SLC35F1: variants seen among roughly 807,000 people sequenced by gnomAD.
SLC35F1 encodes chromosome 6 open reading frame 169.
SLC35F1 carries 14 observed loss-of-function variants against 48.7 expected under a neutral mutation model. The observed-to-expected ratio is 0.29, with a 90% CI of 0.19 to 0.45. The LOEUF (loss-of-function observed/expected upper bound fraction) is 0.45. SLC35F1 is among the 20% of genes least tolerant of loss of function. The pLI is 1.00. For missense variants in SLC35F1, 404 were observed against 500.0 expected (o/e 0.81, Z 1.83); for synonymous variants, 190 against 202.2 (o/e 0.94, Z 0.51).
intron 1 of SLC35F1, among the ~76,000 whole-genome samples, chr6:117,965,375 A>G (rs951247321): frequency 9.2e-5 from 14 of 152,200 alleles, no homozygotes; most frequent in Non-Finnish European, 2.1e-4. Context: ...GCTACTGGCA[A>G]GCCTTTTTTC....
intron 1 of SLC35F1, among the ~76,000 whole-genome samples, chr6:118,110,825 T>C (rs1773388432): frequency 6.6e-6 from 1 of 152,092 alleles, no homozygotes; most frequent in Admixed American, 6.6e-5. Context: ...AGTCCTATGA[T>C]TAGGTCTCAG....
intron 2 of SLC35F1, among the ~76,000 whole-genome samples, chr6:118,185,016 C>A (rs528243056): frequency 1.3e-5 from 2 of 152,162 alleles, no homozygotes; most frequent in Admixed American, 6.5e-5. Flanking sequence ...TCTTGTCCAG[C>A]AGCTCTTGGC....
intron 3 of SLC35F1, among the ~76,000 whole-genome samples, chr6:118,262,222 G>A (rs868587620): frequency 2.0e-5 from 3 of 152,018 alleles, no homozygotes; most frequent in East Asian, 1.9e-4. Flanking sequence ...AGGGGTCTGC[G>A]GAGTGCTGGC....
At chr6:117,921,736 C>G (rs1035427787) in intron 1 of SLC35F1, among the ~76,000 whole-genome samples, 2 of 152,196 alleles carry the variant, frequency 1.3e-5, no homozygotes, top group Admixed American at 6.5e-5. Flanking sequence ...CTAATTATTA[C>G]TTCCCTGGCC....
chr6:118,023,931 C>T (rs1777431137), intron 1 of SLC35F1, among the ~76,000 whole-genome samples: 1 of 152,104 alleles, frequency 6.6e-6, no homozygotes, highest in Non-Finnish European at 1.5e-5. Flanking sequence ...GTCTGCTGGG[C>T]CCCAGTGAGT....
At chr6:118,124,540 A>G (rs969495687) in intron 1 of SLC35F1, among the ~76,000 whole-genome samples, 1 of 152,158 alleles carries the variant, frequency 6.6e-6, no homozygotes, top group Non-Finnish European at 1.5e-5. Context: ...AGAAACAAGA[A>G]GAGGACCCAA....
At chr6:118,298,911 A>G (rs1339997958) in intron 7 of SLC35F1, among the ~76,000 whole-genome samples, 3 of 152,162 alleles carry the variant, frequency 2.0e-5, no homozygotes, top group African/African-American at 4.8e-5. Context: ...ATGGTGGCTC[A>G]TGCCTGTAAT....
chr6:118,261,168 A>G (rs1250336033), intron 3 of SLC35F1, among the ~76,000 whole-genome samples: 1 of 152,222 alleles, frequency 6.6e-6, no homozygotes, highest in African/African-American at 2.4e-5. Flanking sequence ...TTCTGTCCCC[A>G]TGGCATGTCT....
intron 1 of SLC35F1, among the ~76,000 whole-genome samples, chr6:117,930,508 C>G (rs1056585754): frequency 3.3e-5 from 5 of 151,552 alleles, no homozygotes; most frequent in Non-Finnish European, 7.4e-5. Flanking sequence ...TTTTTTTTCT[C>G]TGATTCAAAG....
At chr6:118,219,677 C>T (rs545150564) in intron 2 of SLC35F1, among the ~76,000 whole-genome samples, 1 of 152,140 alleles carries the variant, frequency 6.6e-6, no homozygotes, top group South Asian at 2.1e-4. Context: ...GGGTATATAC[C>T]CAAAGGATTA....
At chr6:118,157,020 G>A (rs1308769225) in intron 2 of SLC35F1, among the ~76,000 whole-genome samples, 1 of 152,154 alleles carries the variant, frequency 6.6e-6, no homozygotes, top group Non-Finnish European at 1.5e-5. Context: ...ACCATCTATT[G>A]AGCCTTTATA....
At chr6:118,301,778 C>G (rs1284279639) in intron 7 of SLC35F1, among the ~76,000 whole-genome samples, 1 of 152,180 alleles carries the variant, frequency 6.6e-6, no homozygotes, top group Non-Finnish European at 1.5e-5. Context: ...AACTACACAA[C>G]TGCCGTGGAC....
At chr6:118,135,749 A>G (rs2114431559) in intron 1 of SLC35F1, among the ~76,000 whole-genome samples, 1 of 152,142 alleles carries the variant, frequency 6.6e-6, no homozygotes, top group African/African-American at 2.4e-5. Context: ...ACTCGCTACA[A>G]TTAAATATAC....
chr6:118,075,949 G>A (rs62431232), intron 1 of SLC35F1, among the ~76,000 whole-genome samples: 5,989 of 151,924 alleles, frequency 0.039, 181 homozygotes, highest in African/African-American at 0.08. Flanking sequence ...CCTTTGTTTC[G>A]ACATACAGCT....
At chr6:117,998,539 A>C (rs1461403864) in intron 1 of SLC35F1, among the ~76,000 whole-genome samples, 1 of 152,224 alleles carries the variant, frequency 6.6e-6, no homozygotes, top group Non-Finnish European at 1.5e-5. Flanking sequence ...AGCTGTCCTC[A>C]GCAAATGTAA....
At chr6:118,018,230 G>A (rs1457951862) in intron 1 of SLC35F1, among the ~76,000 whole-genome samples, 5 of 152,170 alleles carry the variant, frequency 3.3e-5, no homozygotes, top group Non-Finnish European at 5.9e-5. Context: ...AATTAGCAGG[G>A]CGCAGTGGCA....
chr6:118,135,939 C>A (rs780549466), intron 1 of SLC35F1, among the ~76,000 whole-genome samples: 7 of 152,156 alleles, frequency 4.6e-5, no homozygotes, highest in Non-Finnish European at 8.8e-5. Flanking sequence ...TGCCAGAGGT[C>A]CTATAAAAGA....
chr6:117,989,193 C>T (rs911864187), intron 1 of SLC35F1, among the ~76,000 whole-genome samples: 4 of 152,212 alleles, frequency 2.6e-5, no homozygotes, highest in Non-Finnish European at 4.4e-5. Flanking sequence ...TCGAATGTTA[C>T]ATTGTGGTAA....
At chr6:117,985,506 T>TA (rs1776836509) in intron 1 of SLC35F1, among the ~76,000 whole-genome samples, 1 of 152,198 alleles carries the variant, frequency 6.6e-6, no homozygotes, top group African/African-American at 2.4e-5. Flanking sequence ...ATGCAACAAT[T>TA]AAAAAGTCAT....
Sources: gnomAD v4.1 joint callset for allele counts (sites outside exome capture counted in the v4.1 genomes callset) on GRCh38, gnomAD v4.1.1 for gene constraint, MANE v1.5 for transcripts, NCBI Gene and HGNC (gene_info 2026-07-23, HGNC 2026-07-21) for gene names.